The following POU2F1 variants were observed in gnomAD, a reference collection of about 807,000 sequenced individuals.
POU2F1 encodes the protein POU class 2 homeobox 1.
POU2F1 carries 16 observed loss-of-function variants against 84.9 expected under a neutral mutation model. That is an observed-to-expected ratio of 0.19 (90% CI 0.13 to 0.29). The LOEUF is 0.29. Among genes scored for constraint, POU2F1 ranks in the 10% least tolerant of loss-of-function variants. The pLI is 1.00. For missense variants in POU2F1, 738 were observed against 942.6 expected (o/e 0.78, Z 2.84); for synonymous variants, 368 against 368.3 (o/e 1.00, Z 0.01).
intron 1 of POU2F1, among the ~76,000 whole-genome samples, chr1:167,318,444 A>G (rs112085762): frequency 3.3e-5 from 5 of 152,350 alleles, no homozygotes; most frequent in African/African-American, 1.2e-4. Context: ...TAATGATGCC[A>G]TAGGAATCAT....
chr1:167,390,188 T>C (rs1338245759), intron 9 of POU2F1, among the ~76,000 whole-genome samples: 1 of 152,236 alleles, frequency 6.6e-6, no homozygotes, highest in Non-Finnish European at 1.5e-5. Flanking sequence ...AGATACAATA[T>C]GTTCCTCAGC....
At chr1:167,283,368 TTAC>T (rs1298098273) in intron 1 of POU2F1, among the ~76,000 whole-genome samples, 2 of 152,122 alleles carry the variant, frequency 1.3e-5, no homozygotes, top group Non-Finnish European at 2.9e-5. Flanking sequence ...CCTGAAATAT[TTAC>T]TACCTATAAT....
chr1:167,381,014 A>C (rs898967074), intron 7 of POU2F1: 1 of 152,148 alleles, frequency 6.6e-6, no homozygotes, highest in Non-Finnish European at 1.5e-5. Flanking sequence ...TTTTGGTTAG[A>C]AAACTGTTGT....
rs575755853 is a variant in POU2F1 at position 167,240,878 on chromosome 1, C to T, written c.61+19920C>T. Among the ~76,000 whole-genome samples, 590 of 152,284 alleles carry T rather than the reference C, an allele frequency of 3.9e-3. 3 individuals are homozygous for T. Among genetic ancestry groups the T allele is most frequent in the African/African-American group, 0.013 (542 of 41,540 alleles). On this transcript the variant is annotated intron_variant, in intron 1 of 15. Transcript: ENST00000367866. ...TCTGAAAAGGCCGGGCGCGGTGGCTCATGCCTGTAATCCCAGCACATTGGG... is the reference window on the plus strand; with the variant it reads ...TCTGAAAAGGCCGGGCGCGGTGGCTTATGCCTGTAATCCCAGCACATTGGG...
chr1:167,281,613 G>T (rs1413611708), intron 1 of POU2F1, among the ~76,000 whole-genome samples: 3 of 152,180 alleles, frequency 2.0e-5, no homozygotes, highest in Non-Finnish European at 2.9e-5. Flanking sequence ...TGCCTCATTT[G>T]AACATGGTTC....
chr1:167,389,832 A>G, intron 9 of POU2F1, 71 bp downstream of exon 9: 3 of 1,501,226 alleles, frequency 2.0e-6, no homozygotes, highest in East Asian at 2.4e-5. Flanking sequence ...CTCTGTATTC[A>G]TGGATTCCAC....
intron 1 of POU2F1, among the ~76,000 whole-genome samples, chr1:167,236,359 C>G (rs1163001791): frequency 1.3e-5 from 2 of 152,068 alleles, no homozygotes; most frequent in Non-Finnish European, 2.9e-5. Context: ...CCTTGGCCTC[C>G]CAAAGTGCTG....
chr1:167,285,332 C>T (rs1261818473), intron 1 of POU2F1, among the ~76,000 whole-genome samples: 1 of 152,150 alleles, frequency 6.6e-6, no homozygotes, highest in African/African-American at 2.4e-5. Flanking sequence ...TGGCCGGGTG[C>T]GGTGGCTCAC....
chr1:167,365,427 A>G, intron 2 of POU2F1, 40 bp from the exon 3 acceptor site: 1 of 1,429,880 alleles, frequency 7.0e-7, no homozygotes. Flanking sequence ...TATTTCATTT[A>G]TTTCTTTTAA....
chr1:167,411,535 A>G (rs1038532874), intron 13 of POU2F1, among the ~76,000 whole-genome samples: 1 of 152,196 alleles, frequency 6.6e-6, no homozygotes, highest in African/African-American at 2.4e-5. Context: ...AGAAAAGCAT[A>G]TAACTTTCTG....
At chr1:167,333,116 T>A (rs1657183302) in intron 2 of POU2F1, among the ~76,000 whole-genome samples, 1 of 152,202 alleles carries the variant, frequency 6.6e-6, no homozygotes. Flanking sequence ...TACATTCTTT[T>A]ATTTGGTAAT....
rs753626315 is a variant in POU2F1, at chr1:167,371,912, C to T, written c.283-5C>T. The stretch of plus-strand genomic sequence containing the variant: ...ATCTTTTATTTCCTACCCACCCCAC[C>T]TCAGTCTAAATCTAATGAAGAATCG... On this transcript the variant is annotated splice_region_variant and splice_polypyrimidine_tract_variant and intron_variant, in intron 4 of 15. Coordinates refer to ENST00000367866, the MANE Select transcript of POU2F1 (RefSeq NM_002697.4). 1 of 1,613,984 alleles carries T rather than the reference C, an allele frequency of 6.2e-7. No individual in the cohort carries two copies. The highest frequency in any genetic ancestry group is 2.2e-5 in the East Asian group (1 of 44,894).
chr1:167,269,251 T>G (rs1427497290), intron 1 of POU2F1, among the ~76,000 whole-genome samples: 1 of 152,254 alleles, frequency 6.6e-6, no homozygotes, highest in Admixed American at 6.5e-5. Context: ...AAACTTGAAA[T>G]TAGCCTGCTA....
intron 13 of POU2F1, among the ~76,000 whole-genome samples, chr1:167,404,935 A>G (rs1255911497): frequency 6.6e-6 from 1 of 152,234 alleles, no homozygotes; most frequent in Admixed American, 6.5e-5. Flanking sequence ...TATTTGGAAT[A>G]GGATTTTAGA....
In POU2F1 at chr1:167,376,019, A is replaced by G. The variant is rs200355029; in HGVS notation, c.592-10A>G. On this transcript the variant is annotated splice_polypyrimidine_tract_variant and intron_variant, in intron 6 of 15. Coordinates refer to ENST00000367866, the MANE Select transcript of POU2F1 (RefSeq NM_002697.4). Reference sequence around the variant, plus strand: ...AATCTCCAATCCATGTTTTAATTCCAATTTTTCAGGATCTTCAACAACTGC... The same window carrying G: ...AATCTCCAATCCATGTTTTAATTCCGATTTTTCAGGATCTTCAACAACTGC... The G allele has an allele frequency of 7.3e-4, 1,179 of 1,613,950 alleles. 2 individuals are homozygous for G. Among genetic ancestry groups the G allele is most frequent in the Non-Finnish European group, 7.8e-4 (926 of 1,179,900 alleles).
intron 11 of POU2F1, among the ~76,000 whole-genome samples, chr1:167,398,415 G>A (rs575497445): frequency 2.6e-5 from 4 of 152,090 alleles, no homozygotes; most frequent in African/African-American, 2.4e-5. Context: ...TAGAAAAGGT[G>A]GGGGGAAAGT....
rs185631097 is a variant in POU2F1, at chr1:167,261,086, G to T, written c.61+40128G>T. ...TTCTCATTTGATTTATAAATGTCTTGTCTGATTTGAAACATTTGAATAGGA... is the reference window on the plus strand; with the variant it reads ...TTCTCATTTGATTTATAAATGTCTTTTCTGATTTGAAACATTTGAATAGGA... On this transcript the variant is annotated intron_variant, in intron 1 of 15. Coordinates refer to ENST00000367866, the MANE Select transcript of POU2F1 (RefSeq NM_002697.4). 2.3e-3 allele frequency among the ~76,000 whole-genome samples: 344 copies of T among 152,088 alleles called. 1 individual carries two copies. The highest frequency in any genetic ancestry group is 7.8e-3 in the African/African-American group (322 of 41,488).
chr1:167,246,474 G>A (rs887770744), intron 1 of POU2F1, among the ~76,000 whole-genome samples: 7 of 151,962 alleles, frequency 4.6e-5, no homozygotes, highest in African/African-American at 1.7e-4. Context: ...TTAGGTCTTT[G>A]CTTAAAAAAT....
Position 167,399,364 on chromosome 1 carries a change from T to C in POU2F1, c.1448T>C (p.Leu483Pro). 6.2e-7 allele frequency: 1 copy of C among 1,608,158 alleles called. No individual in the cohort carries two copies. The highest frequency in any genetic ancestry group is 8.5e-7 in the Non-Finnish European group (1 of 1,177,098). The change falls in exon 12 of 16, where the codon CTG becomes CCG. Residue 483 changes from leucine (L) to proline (P), a missense_variant and splice_region_variant. Coordinates refer to ENST00000367866, the MANE Select transcript of POU2F1 (RefSeq NM_002697.4). ...GCAATTTTCCCCAGCCCAACTTCAC[T>C]GGTAAGAATAAAAAATAGGGAGTGC... The part of the protein sequence containing the change: ...IKAIFPSPTS[L>P]VATTPSLVTS...
Sources: allele counts gnomAD v4.1 joint callset (sites outside exome capture counted in the v4.1 genomes callset), GRCh38; gene constraint gnomAD v4.1.1; transcripts MANE v1.5; gene names NCBI Gene and HGNC (gene_info 2026-07-23, HGNC 2026-07-21).